COL6A6: variants seen among roughly 807,000 people sequenced by gnomAD.
COL6A6 encodes the protein collagen type VI alpha 6 chain.
COL6A6 carries 183 observed loss-of-function variants against 208.6 expected under a neutral mutation model. That is an observed-to-expected ratio of 0.88 (90% CI 0.78 to 0.99). The LOEUF is 0.99. COL6A6 is among the 50% of genes least tolerant of loss of function. The probability of loss-of-function intolerance (pLI) is 0.00; values close to 1 mark genes in which losing one functional copy is unlikely to be tolerated. For missense variants in COL6A6, 2,816 were observed against 2,815.2 expected, an observed-to-expected ratio of 1.00 and a Z score of -0.01; for synonymous variants, 973 against 1,011.8, an observed-to-expected ratio of 0.96 and a Z score of 0.73.
Position 130,676,049 on chromosome 3 carries a change from A to G in COL6A6, c.*652A>G, listed in dbSNP as rs1222613979. On this transcript the variant is annotated 3_prime_UTR_variant, in exon 37 of 37. Transcript: ENST00000358511. The stretch of plus-strand genomic sequence containing the variant: ...CTTTTGAGCTGGAAGTTTTCTCTTC[A>G]TTAGGAAGCTTACTGCCATTTTGAT... 2.0e-5 allele frequency: 3 copies of G among 152,198 alleles called. No individual in the cohort carries two copies. The allele number at this position is 152,198 out of a possible 1,614,324, so 9.4% of individuals were successfully genotyped here.
chr3:130,662,177 G>GGGATGACAAGGAA lies in COL6A6; in HGVS notation c.6372_6384dup (p.Leu2129GlyfsTer2), dbSNP rs772697278. 11 of 1,613,818 alleles carry GGGATGACAAGGAA rather than the reference G, an allele frequency of 6.8e-6. No homozygotes were observed. In the East Asian group the frequency reaches 2.2e-4, roughly 33 times the overall value. On this transcript the variant is annotated frameshift_variant, in exon 35 of 37. Transcript: ENST00000358511. LOFTEE classifies it high-confidence loss of function. The stretch of plus-strand genomic sequence containing the variant: ...TTTGTGTTTTCCCTTGGCCCTATTT[G>GGGATGACAAGGAA]GGATGACAAGGAACTGGAGGATCTC...
intron 1 of COL6A6, among the ~76,000 whole-genome samples, chr3:130,528,269 A>G (rs1170404562): frequency 1.3e-5 from 2 of 152,162 alleles, no homozygotes; most frequent in African/African-American, 4.8e-5. Flanking sequence ...CAGTGGCCAG[A>G]TGGGCATGGG....
intron 4 of COL6A6, 71 bp downstream of exon 4, chr3:130,565,685 A>G: frequency 1.4e-6 from 2 of 1,471,186 alleles, no homozygotes; most frequent in South Asian, 1.4e-5. Flanking sequence ...TCTGTATACA[A>G]AGTGGATTGG....
At position 130,649,101 on chromosome 3, in the gene COL6A6, T is replaced by C; in HGVS notation, c.5272T>C (p.Leu1758=). Reference sequence around the variant, plus strand: ...GGAATGCCCAGTGCACCCAACCGAGTTGGTGTTTGCCCTGGACCACTCCCG... The same window carrying C: ...GGAATGCCCAGTGCACCCAACCGAGCTGGTGTTTGCCCTGGACCACTCCCG... ...KPECPVHPTE[L]VFALDHSRDV... Residue 1758 remains leucine (L), a synonymous_variant, in exon 33 of 37, where the codon TTG becomes CTG. Coordinates refer to ENST00000358511, the MANE Select transcript of COL6A6 (RefSeq NM_001102608.3). The C allele has an allele frequency of 1.3e-6, 2 of 1,575,372 alleles. No homozygotes were observed. Among genetic ancestry groups the C allele is most frequent in the Non-Finnish European group, 1.7e-6 (2 of 1,159,888 alleles).
chr3:130,672,773 G>A (rs2066251465), intron 36 of COL6A6, among the ~76,000 whole-genome samples: 1 of 151,520 alleles, frequency 6.6e-6, no homozygotes, highest in African/African-American at 2.4e-5. Context: ...CACTTTGGGA[G>A]GCTGAGTCGG....
At position 130,649,531 on chromosome 3, in the gene COL6A6, G is replaced by A; in HGVS notation, c.5702G>A (p.Ser1901Asn). The part of the protein sequence containing the change: ...LEIIPVVITF[S>N]NVPSVRRAFA... ...ATCATTCCCGTGGTGATCACTTTCA[G>A]CAACGTGCCCTCGGTCAGGCGCGCA... The change falls in exon 33 of 37, where the codon AGC (serine) becomes AAC (asparagine). Residue 1901 changes from serine (S) to asparagine (N), a missense_variant. By Grantham distance (46) the Ser-to-Asn change is conservative (BLOSUM62 1). Coordinates refer to ENST00000358511, the MANE Select transcript of COL6A6 (RefSeq NM_001102608.3). 1.3e-6 allele frequency: 2 copies of A among 1,598,878 alleles called. No individual in the cohort carries two copies. The highest frequency in any genetic ancestry group is 8.5e-7 in the Non-Finnish European group (1 of 1,172,156).
intron 8 of COL6A6, among the ~76,000 whole-genome samples, chr3:130,581,307 A>C (rs976580610): frequency 6.6e-6 from 1 of 152,258 alleles, no homozygotes; most frequent in African/African-American, 2.4e-5. Flanking sequence ...AATAGCTAAA[A>C]TAAAATCTTT....
intron 36 of COL6A6, among the ~76,000 whole-genome samples, chr3:130,673,221 A>AAAACAAAACCC (rs1553724902): frequency 8.5e-6 from 1 of 117,068 alleles, no homozygotes; most frequent in Admixed American, 8.1e-5. Flanking sequence ...AAAAAACAAA[A>AAAACAAAACCC]AAAAAAAACA....
At chr3:130,675,141 A>G in intron 36 of COL6A6, 61 bp from the exon 37 acceptor site, 1 of 1,040,692 alleles carries the variant, frequency 9.6e-7, no homozygotes, top group Non-Finnish European at 1.4e-6. Flanking sequence ...ACAGATTAAT[A>G]TGTAGTCTAT....
intron 19 of COL6A6, among the ~76,000 whole-genome samples, chr3:130,599,362 T>C (rs2063940565): frequency 6.6e-6 from 1 of 152,208 alleles, no homozygotes; most frequent in African/African-American, 2.4e-5. Flanking sequence ...ATAATCTGTT[T>C]GATTAGCCAA....
At chr3:130,625,863 A>G (rs72996251) in intron 24 of COL6A6, among the ~76,000 whole-genome samples, 256 of 152,328 alleles carry the variant, frequency 1.7e-3, no homozygotes, top group African/African-American at 5.8e-3. Context: ...GGGCAAATTG[A>G]TGTGGACATA....
chr3:130,642,981 C>G lies in COL6A6; in HGVS notation c.5191-6C>G. The G allele has an allele frequency of 6.2e-7, 1 of 1,613,910 alleles. No homozygotes were observed. Among genetic ancestry groups the G allele is most frequent in the Non-Finnish European group, 8.5e-7 (1 of 1,179,816 alleles). On this transcript the variant is annotated splice_polypyrimidine_tract_variant and splice_region_variant and intron_variant, in intron 30 of 36. Coordinates refer to ENST00000358511, the MANE Select transcript of COL6A6 (RefSeq NM_001102608.3). Reference sequence around the variant, plus strand: ...TAATTGTTTCTGTTTTATTTTCGAACTGCAGACATGTGAGCTCATTCAGTA... The same window carrying G: ...TAATTGTTTCTGTTTTATTTTCGAAGTGCAGACATGTGAGCTCATTCAGTA...
intron 1 of COL6A6, among the ~76,000 whole-genome samples, chr3:130,517,625 CGACTGTTGAAGAACCTACAG>C (rs1387517376): frequency 6.6e-6 from 1 of 152,214 alleles, no homozygotes; most frequent in Non-Finnish European, 1.5e-5. Flanking sequence ...TTTTCGCATC[CGACTGTTGAAGAACCTACAG>C]CACACTCTTG....
At chr3:130,585,318 C>A (rs1311951402) in intron 10 of COL6A6, among the ~76,000 whole-genome samples, 2 of 152,158 alleles carry the variant, frequency 1.3e-5, no homozygotes, top group South Asian at 2.1e-4. Flanking sequence ...GGGTAAAAAA[C>A]CTAAAAATAC....
At chr3:130,589,643 T>G (rs1375217203) in intron 12 of COL6A6, among the ~76,000 whole-genome samples, 1 of 152,210 alleles carries the variant, frequency 6.6e-6, no homozygotes, top group Admixed American at 6.5e-5. Context: ...GATGTCTCAT[T>G]CATCTTAAGC....
At chr3:130,535,447 G>T (rs910280303) in intron 1 of COL6A6, among the ~76,000 whole-genome samples, 2 of 151,068 alleles carry the variant, frequency 1.3e-5, no homozygotes, top group African/African-American at 2.4e-5. Flanking sequence ...TCACAAATTT[G>T]TTTTTGCAGT....
intron 15 of COL6A6, 139 bp from the exon 16 acceptor site, chr3:130,592,922 A>G: frequency 2.3e-6 from 2 of 862,306 alleles, no homozygotes; most frequent in Admixed American, 4.6e-5. Flanking sequence ...ATTACTGAGT[A>G]ACCTTTAATA....
chr3:130,532,988 C>T (rs72992213), intron 1 of COL6A6, among the ~76,000 whole-genome samples: 80 of 152,178 alleles, frequency 5.3e-4, no homozygotes, highest in African/African-American at 1.3e-3. Context: ...TGACTTGGCC[C>T]GGAGCAAGTG....
intron 21 of COL6A6, 49 bp from the exon 22 acceptor site, chr3:130,608,853 C>G (rs772478489): frequency 3.2e-6 from 4 of 1,240,888 alleles, no homozygotes; most frequent in Non-Finnish European, 4.3e-6. Flanking sequence ...GTAAAGGAGA[C>G]AAAATGTTCA....
Sources: gnomAD v4.1 joint callset for allele counts (sites outside exome capture counted in the v4.1 genomes callset) on GRCh38, gnomAD v4.1.1 for gene constraint, MANE v1.5 for transcripts, NCBI Gene and HGNC (gene_info 2026-07-23, HGNC 2026-07-21) for gene names.